The following SHQ1 variants were observed in gnomAD, a reference collection of about 807,000 sequenced individuals.
SHQ1 encodes the protein SHQ1, H/ACA ribonucleoprotein assembly factor.
In SHQ1, 49 loss-of-function variants were observed where a neutral mutation model predicts 53.8. The observed-to-expected ratio is 0.91, with a 90% CI of 0.72 to 1.16. SHQ1 has a LOEUF of 1.16. SHQ1 is among the 50% of genes most tolerant of loss of function. The probability of loss-of-function intolerance (pLI) is 0.00; values close to 1 mark genes in which losing one functional copy is unlikely to be tolerated. For missense variants in SHQ1, 738 were observed against 683.1 expected (o/e 1.08, Z -0.90); for synonymous variants, 243 against 251.0 (o/e 0.97, Z 0.30).
intron 10 of SHQ1, among the ~76,000 whole-genome samples, chr3:72,768,042 A>G (rs891822034): frequency 2.0e-5 from 3 of 151,780 alleles, no homozygotes; most frequent in Admixed American, 2.0e-4. Context: ...CCCTAGAAGG[A>G]GCAGTTTACA....
Position 72,765,258 on chromosome 3 carries a change from G to A in SHQ1, c.1182-14422C>T, listed in dbSNP as rs986836992. On this transcript the variant is annotated intron_variant, in intron 10 of 10. Transcript: ENST00000325599. The stretch of plus-strand genomic sequence containing the variant: ...TCACAGGGACCTTGCCTGAAGTTAC[G>A]GTCCACATGCCTGCCCCTGAACCCA... Among the ~76,000 whole-genome samples the A allele has an allele frequency of 4.6e-5, 7 of 151,918 alleles. No individual in the cohort carries two copies. The East Asian group carries it at 7.7e-4, about 17-fold the overall frequency.
chr3:72,791,145 C>T (rs1215533977), intron 10 of SHQ1, among the ~76,000 whole-genome samples: 1 of 151,958 alleles, frequency 6.6e-6, no homozygotes, highest in Non-Finnish European at 1.5e-5. Flanking sequence ...CTGGTACATA[C>T]CTCAATATTC....
At chr3:72,736,376 A>C in the SHQ1 span, among the ~76,000 whole-genome samples, 1 of 151,128 alleles carries the variant, frequency 6.6e-6, no homozygotes, top group Non-Finnish European at 1.5e-5. Context: ...CAGATGGTAC[A>C]ATATTCTAAG....
chr3:72,780,480 A>T (rs1211127743), intron 10 of SHQ1, among the ~76,000 whole-genome samples: 1 of 152,236 alleles, frequency 6.6e-6, no homozygotes, highest in African/African-American at 2.4e-5. Flanking sequence ...GCATTAGGAT[A>T]ATCTAAGGAT....
chr3:72,818,863 C>T (rs1194761222), intron 6 of SHQ1, among the ~76,000 whole-genome samples: 1 of 152,182 alleles, frequency 6.6e-6, no homozygotes, highest in Non-Finnish European at 1.5e-5. Flanking sequence ...GAGTGGCCCC[C>T]AGCTAACAGC....
Position 72,823,224 on chromosome 3 carries a change from T to TA in SHQ1, c.727+1199dup, listed in dbSNP as rs1220753466. 6.6e-5 allele frequency among the ~76,000 whole-genome samples: 10 copies of TA among 151,454 alleles called. No individual in the cohort carries two copies. The East Asian group carries it at 1.9e-3, about 29-fold the overall frequency. On this transcript the variant is annotated intron_variant, in intron 6 of 10. Coordinates refer to ENST00000325599, the MANE Select transcript of SHQ1 (RefSeq NM_018130.3). Reference sequence around the variant, plus strand: ...AAAGCTAATCCTCTATTTTCTAAAATATTATAGTAGCAATTTTTTGATCTG... The same window carrying TA: ...AAAGCTAATCCTCTATTTTCTAAAATAATTATAGTAGCAATTTTTTGATCTG...
chr3:72,782,851 A>G (rs755367287), intron 10 of SHQ1, among the ~76,000 whole-genome samples: 17 of 152,218 alleles, frequency 1.1e-4, no homozygotes, highest in Non-Finnish European at 2.1e-4. Context: ...ACATTAATCA[A>G]TGTAAGCCTT....
chr3:72,802,986 T>C (rs925149470), intron 9 of SHQ1, among the ~76,000 whole-genome samples: 1 of 152,144 alleles, frequency 6.6e-6, no homozygotes, highest in Non-Finnish European at 1.5e-5. Flanking sequence ...TTAGAACCTG[T>C]ATCAGGTTGA....
intron 9 of SHQ1, among the ~76,000 whole-genome samples, chr3:72,808,238 T>C (rs1228389363): frequency 6.6e-6 from 1 of 151,998 alleles, no homozygotes; most frequent in Non-Finnish European, 1.5e-5. Context: ...TGTACAAAAA[T>C]AGGGAAGACA....
At chr3:72,804,809 T>C (rs558897132) in intron 9 of SHQ1, among the ~76,000 whole-genome samples, 1 of 152,204 alleles carries the variant, frequency 6.6e-6, no homozygotes, top group Admixed American at 6.5e-5. Flanking sequence ...GAGCCATGAT[T>C]ATGCCATACT....
intron 10 of SHQ1, among the ~76,000 whole-genome samples, chr3:72,758,696 A>G (rs968896406): frequency 2.0e-5 from 3 of 150,828 alleles, no homozygotes; most frequent in Non-Finnish European, 4.4e-5. Context: ...CAGCCTCCTG[A>G]GTAGCTGGGA....
chr3:72,826,913 G>C (rs1216847573), intron 5 of SHQ1, among the ~76,000 whole-genome samples: 2 of 152,166 alleles, frequency 1.3e-5, no homozygotes, highest in Non-Finnish European at 2.9e-5. Context: ...TTTTACATAG[G>C]GGAATGACAT....
chr3:72,744,928 G>A (rs529486929), downstream of SHQ1, among the ~76,000 whole-genome samples: 1 of 141,198 alleles, frequency 7.1e-6, no homozygotes, highest in African/African-American at 2.6e-5. Context: ...TACATTGGGG[G>A]GGGGGGGTGG....
rs139880136 is a variant in SHQ1, at chr3:72,828,021, T to A, written c.600-3470A>T. Among the ~76,000 whole-genome samples the A allele has an allele frequency of 8.2e-3, 1,253 of 152,202 alleles. 15 individuals are homozygous for A. The highest frequency in any genetic ancestry group is 0.029 in the African/African-American group (1,211 of 41,518). On this transcript the variant is annotated intron_variant, in intron 5 of 10. Coordinates refer to ENST00000325599, the MANE Select transcript of SHQ1 (RefSeq NM_018130.3). Reference sequence around the variant, plus strand: ...CCACCCCCTCAGCCTCCCAAAGTGCTGGGATTACAGGCGTGAGCCACCATG... The same window carrying A: ...CCACCCCCTCAGCCTCCCAAAGTGCAGGGATTACAGGCGTGAGCCACCATG...
chr3:72,772,753 C>T, intron 10 of SHQ1: 2 of 750,090 alleles, frequency 2.7e-6, no homozygotes, highest in Non-Finnish European at 5.0e-6. Context: ...GGATGATCTT[C>T]ATGGAATCCC....
In SHQ1 at chr3:72,824,520, G is replaced by C; in HGVS notation, c.631C>G (p.Gln211Glu). 1 of 1,610,354 alleles carries C rather than the reference G, an allele frequency of 6.2e-7. No homozygotes were observed. Reference sequence around the variant, plus strand: ...CACCAAGGATTATACTTCAAAATCTGTTCAATCGCCTCATCTTCAAAAAAG... The same window carrying C: ...CACCAAGGATTATACTTCAAAATCTCTTCAATCGCCTCATCTTCAAAAAAG... ...ADFFEDEAIE[Q>E]ILKYNPWWTD... The change falls in exon 6 of 11, where the codon CAG (glutamine) becomes GAG (glutamate). Residue 211 changes from glutamine to glutamate, a missense_variant. By Grantham distance (29) the Gln-to-Glu change is conservative. Transcript: ENST00000325599.
chr3:72,755,424 A>G (rs895273853), intron 10 of SHQ1, among the ~76,000 whole-genome samples: 3 of 152,226 alleles, frequency 2.0e-5, no homozygotes, highest in South Asian at 2.1e-4. Flanking sequence ...AATTAATACT[A>G]AAGTTCTGAA....
chr3:72,841,954 G>C (rs989714055), intron 3 of SHQ1, among the ~76,000 whole-genome samples: 1 of 152,274 alleles, frequency 6.6e-6, no homozygotes, highest in East Asian at 1.9e-4. Flanking sequence ...ATCAGTACTG[G>C]TCTGCAACCT....
the SHQ1 span, among the ~76,000 whole-genome samples, chr3:72,727,715 G>A: frequency 1.3e-5 from 2 of 152,200 alleles, no homozygotes; most frequent in Non-Finnish European, 2.9e-5. Flanking sequence ...CAGTGGAGAA[G>A]AGGCACAGAC....
Sources: gnomAD v4.1 joint callset for allele counts (sites outside exome capture counted in the v4.1 genomes callset) on GRCh38, gnomAD v4.1.1 for gene constraint, MANE v1.5 for transcripts, NCBI Gene and HGNC (gene_info 2026-07-23, HGNC 2026-07-21) for gene names.